RUNX2: variants seen among roughly 807,000 people sequenced by gnomAD.
RUNX2 encodes the protein runt-related transcription factor 2.
RUNX2 carries 10 observed loss-of-function variants against 51.7 expected under a neutral mutation model. That is an observed-to-expected ratio of 0.19 (90% CI 0.12 to 0.33). RUNX2 has a LOEUF of 0.33. RUNX2 is among the 10% of genes least tolerant of loss of function. RUNX2 has a pLI of 1.00. For synonymous variants in RUNX2, 276 were observed against 273.6 expected (o/e 1.01, Z -0.09); for missense variants, 562 against 691.3 (o/e 0.81, Z 2.10).
intron 5 of RUNX2, among the ~76,000 whole-genome samples, chr6:45,471,673 T>C (rs1285348699): frequency 1.3e-5 from 2 of 152,124 alleles, no homozygotes; most frequent in Non-Finnish European, 2.9e-5. Context: ...CTTGATCTCC[T>C]GACCTCGTCC....
At chr6:45,541,705 G>T (rs2150448425) in intron 7 of RUNX2, among the ~76,000 whole-genome samples, 1 of 152,252 alleles carries the variant, frequency 6.6e-6, no homozygotes, top group South Asian at 2.1e-4. Context: ...TGGATTCAAG[G>T]CCCCCCTTCC....
chr6:45,354,798 T>C (rs1792817901), intron 2 of RUNX2, among the ~76,000 whole-genome samples: 2 of 152,032 alleles, frequency 1.3e-5, no homozygotes, highest in African/African-American at 2.4e-5. Context: ...CTAGGGTTTA[T>C]AGTGCAGCTT....
At chr6:45,464,047 G>C (rs948999755) in intron 5 of RUNX2, among the ~76,000 whole-genome samples, 2 of 152,136 alleles carry the variant, frequency 1.3e-5, no homozygotes, top group Non-Finnish European at 2.9e-5. Flanking sequence ...CAAAAAATTA[G>C]CCAGGCGTGG....
intron 5 of RUNX2, among the ~76,000 whole-genome samples, chr6:45,457,436 G>T (rs1001831705): frequency 3.0e-4 from 46 of 152,096 alleles, no homozygotes; most frequent in African/African-American, 1.0e-3. Flanking sequence ...GTGGAAGGAA[G>T]ATCCCATGTC....
At chr6:45,492,666 A>G (rs1800518203) in intron 6 of RUNX2, among the ~76,000 whole-genome samples, 1 of 152,162 alleles carries the variant, frequency 6.6e-6, no homozygotes, top group Non-Finnish European at 1.5e-5. Context: ...TCTCTTTATA[A>G]ATTCTAGTCA....
intron 7 of RUNX2, among the ~76,000 whole-genome samples, chr6:45,521,222 G>GA (rs1290120592): frequency 6.6e-6 from 1 of 151,924 alleles, no homozygotes; most frequent in East Asian, 1.9e-4. Flanking sequence ...ATATGTAGGA[G>GA]AAAAAAAGGA....
At chr6:45,355,661 T>C (rs1040529234) in intron 2 of RUNX2, among the ~76,000 whole-genome samples, 3 of 152,282 alleles carry the variant, frequency 2.0e-5, no homozygotes, top group East Asian at 3.9e-4. Flanking sequence ...TGAAGTTTTA[T>C]TTCTATTAAA....
chr6:45,422,547 C>T (rs762044040), intron 2 of RUNX2, 46 bp from the exon 3 acceptor site: 2 of 1,570,658 alleles, frequency 1.3e-6, no homozygotes, highest in Non-Finnish European at 1.7e-6. Context: ...CCCCCTCCCC[C>T]GGCCACTTCG....
At chr6:45,335,934 A>C (rs1345255536) in intron 2 of RUNX2, among the ~76,000 whole-genome samples, 1 of 151,358 alleles carries the variant, frequency 6.6e-6, no homozygotes, top group East Asian at 1.9e-4. Flanking sequence ...AAAATGAAAT[A>C]TTTAAGAAGA....
At chr6:45,373,498 T>C (rs1282735963) in intron 2 of RUNX2, among the ~76,000 whole-genome samples, 1 of 152,174 alleles carries the variant, frequency 6.6e-6, no homozygotes, top group African/African-American at 2.4e-5. Context: ...AGAAAATATA[T>C]TGTGACCAGA....
rs567243215 is a variant in RUNX2 at position 45,430,029 on chromosome 6, G to A, written c.424-1834G>A. 3.3e-5 allele frequency among the ~76,000 whole-genome samples: 5 copies of A among 151,974 alleles called. No homozygotes were observed. In the East Asian group the frequency reaches 9.7e-4, roughly 29 times the overall value. On this transcript the variant is annotated intron_variant, in intron 3 of 8. Transcript: ENST00000647337. ...GAGTCACTTGAACCTGGGAGGTGGA[G>A]GTTGCAGTGAGCCGAGATCGTGCCA...
intron 4 of RUNX2, among the ~76,000 whole-genome samples, 160 bp from the exon 5 acceptor site, chr6:45,437,787 T>C (rs1798726787): frequency 6.6e-6 from 1 of 152,236 alleles, no homozygotes; most frequent in Admixed American, 6.5e-5. Context: ...AAAGTGGTCA[T>C]CGGAGGGTTT....
At chr6:45,527,529 G>A (rs1801707476) in intron 7 of RUNX2, among the ~76,000 whole-genome samples, 1 of 152,100 alleles carries the variant, frequency 6.6e-6, no homozygotes, top group African/African-American at 2.4e-5. Context: ...TCATCAAAAT[G>A]CTTTAGTAAT....
intron 5 of RUNX2, among the ~76,000 whole-genome samples, chr6:45,448,911 AAT>A (rs1421352965): frequency 6.6e-6 from 1 of 152,140 alleles, no homozygotes; most frequent in Non-Finnish European, 1.5e-5. Flanking sequence ...AGTGAGGAGA[AAT>A]ATAGATGTGT....
chr6:45,542,369 C>CTG (rs1174766177), intron 7 of RUNX2, among the ~76,000 whole-genome samples: 2 of 152,126 alleles, frequency 1.3e-5, no homozygotes, highest in African/African-American at 2.4e-5. Flanking sequence ...ATTGCTGCTG[C>CTG]CGCTGCTGTT....
rs527904643 is a variant in RUNX2 at position 45,548,497 on chromosome 6, G to A, written c.*1192G>A. ...CTCTAACACAGCTTTGCCTTCTAAA[G>A]CGGTAATTAGGGATTTAAAAAACAA... On this transcript the variant is annotated 3_prime_UTR_variant, in exon 9 of 9. Coordinates refer to ENST00000647337, the MANE Select transcript of RUNX2 (RefSeq NM_001024630.4). The A allele has an allele frequency of 6.6e-6, 1 of 152,634 alleles. No individual in the cohort carries two copies. The highest frequency in any genetic ancestry group is 2.4e-5 in the African/African-American group (1 of 41,454). The allele number at this position is 152,634 out of a possible 1,614,324, so 9.5% of individuals were successfully genotyped here.
intron 2 of RUNX2, among the ~76,000 whole-genome samples, chr6:45,365,551 T>C (rs1794985146): frequency 6.6e-6 from 1 of 151,474 alleles, no homozygotes; most frequent in Non-Finnish European, 1.5e-5. Context: ...GCACCTATTT[T>C]ACAATAGGTA....
intron 5 of RUNX2, among the ~76,000 whole-genome samples, chr6:45,485,561 T>C (rs935238285): frequency 2.6e-5 from 4 of 151,768 alleles, no homozygotes; most frequent in Non-Finnish European, 4.4e-5. Flanking sequence ...AGAATTAATG[T>C]ATAGTAGTAA....
Position 45,529,189 on chromosome 6 carries a change from C to T in RUNX2, c.1022-16028C>T, listed in dbSNP as rs73737458. Among the ~76,000 whole-genome samples the T allele has an allele frequency of 2.4e-3, 364 of 152,226 alleles. 4 individuals are homozygous for T. Among genetic ancestry groups the T allele is most frequent in the African/African-American group, 7.6e-3 (317 of 41,536 alleles). On this transcript the variant is annotated intron_variant, in intron 7 of 8. Transcript: ENST00000647337. ...TAAAATGTAATGAAGTTCCATTTCT[C>T]CATGGACACAGCTTTCTGTTCTTTC...
Sources: gnomAD v4.1 joint callset for allele counts (sites outside exome capture counted in the v4.1 genomes callset) on GRCh38, gnomAD v4.1.1 for gene constraint, MANE v1.5 for transcripts, NCBI Gene and HGNC (gene_info 2026-07-23, HGNC 2026-07-21) for gene names.